Variants in PTPRD observed in about 807,000 individuals in gnomAD.
PTPRD encodes receptor-type tyrosine-protein phosphatase delta.
Under a neutral mutation model 214.5 loss-of-function variants are expected in PTPRD, and 34 were observed. The ratio of observed to expected loss-of-function variants is 0.16; its 90% CI spans 0.12 to 0.21. The LOEUF is 0.21. Among genes scored for constraint, PTPRD ranks in the 10% least tolerant of loss-of-function variants. The pLI is 1.00. For missense variants in PTPRD, 2,545 were observed against 2,398.7 expected (o/e 1.06, Z -1.27); for synonymous variants, 1,128 against 845.7 (o/e 1.33, Z -5.79).
At chr9:9,347,592 G>A (rs1251786276) in intron 9 of PTPRD, among the ~76,000 whole-genome samples, 1 of 151,956 alleles carries the variant, frequency 6.6e-6, no homozygotes, top group Non-Finnish European at 1.5e-5. Flanking sequence ...AGTGGCAAGG[G>A]AAAAACAAGG....
At chr9:9,430,203 G>C (rs965449181) in intron 8 of PTPRD, among the ~76,000 whole-genome samples, 10 of 152,150 alleles carry the variant, frequency 6.6e-5, no homozygotes, top group Non-Finnish European at 1.0e-4. Flanking sequence ...CTTCAGCAAA[G>C]TCTCAGCATA....
chr9:8,549,668 G>T (rs1050103483), intron 14 of PTPRD, among the ~76,000 whole-genome samples: 1 of 152,028 alleles, frequency 6.6e-6, no homozygotes, highest in African/African-American at 2.4e-5. Flanking sequence ...ACTTTGAGAG[G>T]GGAGATGAAG....
At chr9:10,321,731 G>C (rs1332580221) in intron 3 of PTPRD, among the ~76,000 whole-genome samples, 2 of 151,998 alleles carry the variant, frequency 1.3e-5, no homozygotes, top group African/African-American at 4.8e-5. Context: ...ATTTATGTTT[G>C]AAACTGCCAC....
At chr9:10,181,991 C>T (rs1327994716) in intron 3 of PTPRD, among the ~76,000 whole-genome samples, 1 of 140,166 alleles carries the variant, frequency 7.1e-6, no homozygotes. Context: ...TGCAGTGGCT[C>T]ACGCCTGTAA....
intron 26 of PTPRD, among the ~76,000 whole-genome samples, chr9:8,494,778 T>C (rs1197955131): frequency 6.6e-6 from 1 of 152,202 alleles, no homozygotes; most frequent in East Asian, 1.9e-4. Context: ...AGTGGTATAA[T>C]CTCGGCTGGA....
chr9:8,571,174 GT>G (rs2091037377), intron 14 of PTPRD, among the ~76,000 whole-genome samples: 1 of 152,022 alleles, frequency 6.6e-6, no homozygotes, highest in African/African-American at 2.4e-5. Context: ...GTTATGCTTT[GT>G]TGTCATTAGC....
chr9:9,811,666 C>T (rs1394491607), intron 5 of PTPRD, among the ~76,000 whole-genome samples: 1 of 152,098 alleles, frequency 6.6e-6, no homozygotes, highest in Non-Finnish European at 1.5e-5. Context: ...GAGACCAGGC[C>T]ACTGCACTCC....
At position 10,100,017 on chromosome 9, in the gene PTPRD, G is replaced by A. The variant is rs187131305; in HGVS notation, c.-544-66227C>T. ...TTTATAAATTCACCTTCTCCCAAAT[G>A]TATATGTGTTTTCGGTGTGAGTATG... On this transcript the variant is annotated intron_variant, in intron 3 of 45. Transcript: ENST00000381196. 2.8e-3 allele frequency among the ~76,000 whole-genome samples: 419 copies of A among 151,800 alleles called. 6 individuals carry two copies. The highest frequency in any genetic ancestry group is 9.7e-3 in the African/African-American group (403 of 41,496).
At chr9:10,564,166 C>T (rs1338294467) in intron 2 of PTPRD, among the ~76,000 whole-genome samples, 1 of 18,470 alleles carries the variant, frequency 5.4e-5, no homozygotes, top group Non-Finnish European at 1.1e-4. Context: ...CCACACTAGG[C>T]TATTCTTTTT....
chr9:10,428,867 A>C (rs1249049388), intron 2 of PTPRD, among the ~76,000 whole-genome samples: 1 of 152,070 alleles, frequency 6.6e-6, no homozygotes, highest in Non-Finnish European at 1.5e-5. Flanking sequence ...TACATGTAAC[A>C]GCATATAAGC....
chr9:10,541,034 A>G (rs1286459545), intron 2 of PTPRD, among the ~76,000 whole-genome samples: 1 of 152,186 alleles, frequency 6.6e-6, no homozygotes, highest in Non-Finnish European at 1.5e-5. Flanking sequence ...AAAAGAAACC[A>G]TTAAACATTG....
intron 6 of PTPRD, among the ~76,000 whole-genome samples, chr9:9,762,400 T>A (rs2098666271): frequency 6.6e-6 from 1 of 152,218 alleles, no homozygotes; most frequent in African/African-American, 2.4e-5. Flanking sequence ...TTTTTTGCAA[T>A]ATAAACAGAC....
chr9:9,991,903 T>C (rs1292022517), intron 4 of PTPRD, among the ~76,000 whole-genome samples: 2 of 147,882 alleles, frequency 1.4e-5, no homozygotes, highest in Non-Finnish European at 3.0e-5. Context: ...AAAGAAAAGG[T>C]GGTATACACA....
chr9:8,637,139 C>G (rs72698261), intron 12 of PTPRD, among the ~76,000 whole-genome samples: 10,384 of 152,154 alleles, frequency 0.068, 1,080 homozygotes, highest in African/African-American at 0.23. Flanking sequence ...ATTTTTATTA[C>G]CAGTATATAA....
At chr9:9,873,945 G>A (rs2066154832) in intron 5 of PTPRD, among the ~76,000 whole-genome samples, 1 of 152,042 alleles carries the variant, frequency 6.6e-6, no homozygotes, top group Non-Finnish European at 1.5e-5. Context: ...TAGTAATAGT[G>A]TATATTATTA....
chr9:9,313,373 C>T (rs1445298425), intron 9 of PTPRD, among the ~76,000 whole-genome samples: 1 of 151,910 alleles, frequency 6.6e-6, no homozygotes, highest in Non-Finnish European at 1.5e-5. Context: ...TACAATTGTA[C>T]CTGAAAAACA....
intron 7 of PTPRD, among the ~76,000 whole-genome samples, chr9:9,706,507 T>G (rs193302530): frequency 2.6e-5 from 4 of 152,116 alleles, no homozygotes; most frequent in African/African-American, 9.6e-5. Flanking sequence ...TGACACAATC[T>G]TGGCTCACTG....
intron 9 of PTPRD, among the ~76,000 whole-genome samples, chr9:9,324,859 A>C (rs1969013480): frequency 6.6e-6 from 1 of 152,138 alleles, no homozygotes; most frequent in South Asian, 2.1e-4. Flanking sequence ...ATGTTGAAAT[A>C]GTTTTTGTAT....
chr9:9,302,585 T>G (rs529276846), intron 9 of PTPRD, among the ~76,000 whole-genome samples: 56 of 140,768 alleles, frequency 4.0e-4, no homozygotes, highest in Non-Finnish European at 7.1e-4. Flanking sequence ...ACATCATGTT[T>G]TGTAGTTTTT....
Sources: gnomAD v4.1 joint callset for allele counts (sites outside exome capture counted in the v4.1 genomes callset) on GRCh38, gnomAD v4.1.1 for gene constraint, MANE v1.5 for transcripts, NCBI Gene and HGNC (gene_info 2026-07-23, HGNC 2026-07-21) for gene names.